PRKG1: variants seen among roughly 807,000 people sequenced by gnomAD.
PRKG1 encodes the protein cGMP-dependent protein kinase 1.
PRKG1 carries 35 observed loss-of-function variants against 88.1 expected under a neutral mutation model. That is an observed-to-expected ratio of 0.40 (90% CI 0.30 to 0.53). PRKG1 has a LOEUF of 0.53. PRKG1 is among the 20% of genes least tolerant of loss of function. PRKG1 has a pLI of 0.59. For synonymous variants in PRKG1, 303 were observed against 292.5 expected, an observed-to-expected ratio of 1.04 and a Z score of -0.37; for missense variants, 540 against 839.8, an observed-to-expected ratio of 0.64 and a Z score of 4.41.
At chr10:52,199,456 A>C (rs960390977) in intron 9 of PRKG1, among the ~76,000 whole-genome samples, 1 of 152,178 alleles carries the variant, frequency 6.6e-6, no homozygotes, top group Admixed American at 6.5e-5. Flanking sequence ...CCAAAAGGCC[A>C]CTGACCACTC....
intron 2 of PRKG1, among the ~76,000 whole-genome samples, chr10:51,306,002 A>C (rs1467748565): frequency 6.6e-6 from 1 of 152,184 alleles, no homozygotes; most frequent in East Asian, 1.9e-4. Flanking sequence ...ACACTAAGGC[A>C]AATATTATGT....
At chr10:52,192,156 T>C (rs1839381189) in intron 9 of PRKG1, among the ~76,000 whole-genome samples, 1 of 152,170 alleles carries the variant, frequency 6.6e-6, no homozygotes, top group Admixed American at 6.5e-5. Context: ...TTGAGTCAAT[T>C]TCTTTCTGGG....
intron 2 of PRKG1, among the ~76,000 whole-genome samples, chr10:51,377,960 C>T (rs1297771721): frequency 2.0e-5 from 3 of 152,184 alleles, no homozygotes; most frequent in African/African-American, 4.8e-5. Flanking sequence ...GGCCTAACCA[C>T]GAATGAAACT....
At chr10:51,728,449 CTTTG>C (rs1842188925) in intron 3 of PRKG1, among the ~76,000 whole-genome samples, 1 of 57,918 alleles carries the variant, frequency 1.7e-5, no homozygotes, top group African/African-American at 6.9e-5. Flanking sequence ...TCCATTTTTT[CTTTG>C]TTTTTTTTTT....
At chr10:51,737,740 A>AATTAATTAATT (rs1554837023) in intron 3 of PRKG1, among the ~76,000 whole-genome samples, 2 of 133,422 alleles carry the variant, frequency 1.5e-5, no homozygotes, top group East Asian at 4.4e-4. Flanking sequence ...TTTATTTATT[A>AATTAATTAATT]ATTATTATTA....
intron 3 of PRKG1, among the ~76,000 whole-genome samples, chr10:51,581,531 G>A (rs894116110): frequency 1.3e-5 from 2 of 151,952 alleles, no homozygotes; most frequent in Admixed American, 6.6e-5. Flanking sequence ...TCCATTCCCC[G>A]AGCTATGAAC....
intron 4 of PRKG1, among the ~76,000 whole-genome samples, chr10:51,841,929 C>T (rs1202681318): frequency 2.0e-5 from 3 of 152,234 alleles, no homozygotes; most frequent in South Asian, 2.1e-4. Context: ...GTGATCTGCC[C>T]GCCTCAGCCT....
At chr10:51,484,888 G>A (rs1262215050) in intron 3 of PRKG1, among the ~76,000 whole-genome samples, 1 of 152,166 alleles carries the variant, frequency 6.6e-6, no homozygotes, top group South Asian at 2.1e-4. Flanking sequence ...AGTACGTCCA[G>A]ATTCTATCTG....
intron 9 of PRKG1, among the ~76,000 whole-genome samples, chr10:52,217,374 A>T (rs184111026): frequency 5.3e-5 from 8 of 151,022 alleles, no homozygotes; most frequent in Admixed American, 5.3e-4. Context: ...ATACACATAT[A>T]CACACACACA....
intron 7 of PRKG1, among the ~76,000 whole-genome samples, chr10:52,072,045 T>A (rs1846509144): frequency 6.6e-6 from 1 of 151,740 alleles, no homozygotes; most frequent in East Asian, 2.0e-4. Flanking sequence ...CGTGGGGCCA[T>A]CACCAGGCTC....
intron 5 of PRKG1, among the ~76,000 whole-genome samples, chr10:51,945,152 A>G (rs1451848062): frequency 2.0e-5 from 3 of 149,962 alleles, no homozygotes; most frequent in Non-Finnish European, 4.4e-5. Flanking sequence ...TATTGGGTGC[A>G]TATATATTTA....
At chr10:52,196,782 T>G (rs1301433547) in intron 9 of PRKG1, among the ~76,000 whole-genome samples, 1 of 152,214 alleles carries the variant, frequency 6.6e-6, no homozygotes, top group Non-Finnish European at 1.5e-5. Flanking sequence ...GGGTGAAGGA[T>G]TCTCAAAATA....
At chr10:51,164,145 C>T (rs1283398435) in intron 2 of PRKG1, among the ~76,000 whole-genome samples, 1 of 152,190 alleles carries the variant, frequency 6.6e-6, no homozygotes, top group East Asian at 1.9e-4. Context: ...GGGAGGCACC[C>T]CCCAGTAGGG....
At chr10:51,737,724 T>A in intron 3 of PRKG1, among the ~76,000 whole-genome samples, 1 of 111,660 alleles carries the variant, frequency 9.0e-6, no homozygotes, top group East Asian at 2.4e-4. Context: ...TTTATTTATT[T>A]ATTTATTTAT....
chr10:51,580,130 T>A (rs1432998465), intron 3 of PRKG1, among the ~76,000 whole-genome samples: 9 of 152,160 alleles, frequency 5.9e-5, no homozygotes, highest in Admixed American at 3.3e-4. Context: ...GATTTATAAA[T>A]AGGTGCCACA....
At chr10:51,675,608 C>A (rs1203005800) in intron 3 of PRKG1, among the ~76,000 whole-genome samples, 1 of 152,168 alleles carries the variant, frequency 6.6e-6, no homozygotes, top group East Asian at 1.9e-4. Flanking sequence ...CAAAAGATGT[C>A]TAGTTACTTA....
chr10:52,117,721 C>T (rs1847722426), intron 7 of PRKG1, among the ~76,000 whole-genome samples: 1 of 151,766 alleles, frequency 6.6e-6, no homozygotes, highest in Non-Finnish European at 1.5e-5. Context: ...TCCCTTCTTC[C>T]TCTGTCTTTT....
intron 5 of PRKG1, among the ~76,000 whole-genome samples, chr10:52,045,821 T>C (rs1422748647): frequency 2.0e-5 from 3 of 151,394 alleles, no homozygotes; most frequent in Non-Finnish European, 4.4e-5. Context: ...CATTGATGTT[T>C]AGAGCTCTCT....
intron 5 of PRKG1, among the ~76,000 whole-genome samples, chr10:51,946,103 G>A (rs1041643265): frequency 6.6e-6 from 1 of 152,008 alleles, no homozygotes; most frequent in African/African-American, 2.4e-5. Flanking sequence ...ACACCAATCA[G>A]ACGTAGATTT....
Sources: gnomAD v4.1 joint callset for allele counts (sites outside exome capture counted in the v4.1 genomes callset) on GRCh38, gnomAD v4.1.1 for gene constraint, MANE v1.5 for transcripts, NCBI Gene and HGNC (gene_info 2026-07-23, HGNC 2026-07-21) for gene names.